Variants in AP3B1 observed in about 807,000 individuals in gnomAD.
AP3B1 encodes the protein AP-3 complex subunit beta-1.
A neutral mutation model predicts 132.5 loss-of-function variants in AP3B1; 61 were observed. The observed-to-expected ratio is 0.46, with a 90% CI of 0.37 to 0.57. The LOEUF (loss-of-function observed/expected upper bound fraction) is 0.57. Ranked by LOEUF, AP3B1 falls within the 20% of genes least tolerant of loss-of-function variation. AP3B1 has a pLI of 0.00. For missense variants in AP3B1, 1,120 were observed against 1,289.4 expected (o/e 0.87, Z 2.01); for synonymous variants, 388 against 438.3 (o/e 0.89, Z 1.43).
intron 3 of AP3B1, among the ~76,000 whole-genome samples, chr5:78,236,356 GA>G (rs1032396812): frequency 4.8e-5 from 4 of 84,152 alleles, no homozygotes; most frequent in Admixed American, 9.8e-5. Context: ...AAACATAAAA[GA>G]AAAAAAATAT....
intron 22 of AP3B1, among the ~76,000 whole-genome samples, chr5:78,059,732 T>C (rs1293925391): frequency 6.6e-6 from 1 of 152,124 alleles, no homozygotes; most frequent in Non-Finnish European, 1.5e-5. Flanking sequence ...CTATCTGTAG[T>C]TGCCAGACAG....
At chr5:78,133,828 G>T (rs941692143) in intron 15 of AP3B1, among the ~76,000 whole-genome samples, 3 of 151,758 alleles carry the variant, frequency 2.0e-5, no homozygotes, top group Non-Finnish European at 4.4e-5. Flanking sequence ...AACCATTATT[G>T]GTACCAACTA....
chr5:78,219,099 T>C (rs1023094173), intron 6 of AP3B1, among the ~76,000 whole-genome samples: 1 of 152,110 alleles, frequency 6.6e-6, no homozygotes, highest in African/African-American at 2.4e-5. Flanking sequence ...AATCTATTCA[T>C]TAAACATAAT....
At chr5:78,117,290 G>A (rs191750608) in intron 17 of AP3B1, among the ~76,000 whole-genome samples, 57 of 150,720 alleles carry the variant, frequency 3.8e-4, no homozygotes, top group African/African-American at 1.3e-3. Context: ...TGGAGAGCAG[G>A]GAATTTAAAA....
chr5:78,074,911 C>T lies in AP3B1; in HGVS notation c.2577+14482G>A, dbSNP rs187677317. Among the ~76,000 whole-genome samples the T allele has an allele frequency of 3.1e-3, 469 of 151,598 alleles. 2 individuals are homozygous for T. Among genetic ancestry groups the T allele is most frequent in the African/African-American group, 0.011 (447 of 41,312 alleles). On this transcript the variant is annotated intron_variant, in intron 22 of 26. Coordinates refer to ENST00000255194, the MANE Select transcript of AP3B1 (RefSeq NM_003664.5). ...TTGCGCCACTGCACTGCAGCCTGGG[C>T]AACAAAAGCAAAACCCTGTCTCAAA... is the stretch of plus-strand genomic sequence containing the variant.
intron 11 of AP3B1, among the ~76,000 whole-genome samples, chr5:78,167,057 A>C (rs1743664626): frequency 6.6e-6 from 1 of 152,240 alleles, no homozygotes; most frequent in African/African-American, 2.4e-5. Context: ...GAGTTAACAG[A>C]CAACCCACAG....
At position 78,160,163 on chromosome 5, in the gene AP3B1, T is replaced by C. The variant is rs1424075951; in HGVS notation, c.1363+2656A>G. 2.0e-5 allele frequency among the ~76,000 whole-genome samples: 3 copies of C among 152,226 alleles called. No homozygotes were observed. In the South Asian group the frequency reaches 6.2e-4, roughly 32 times the overall value. On this transcript the variant is annotated intron_variant, in intron 13 of 26. Transcript: ENST00000255194. ...CAATGGACTATTAGCTCTATAAAGATAGGAACCTTTTATAAGTTAAATAAA... is the reference window on the plus strand; with the variant it reads ...CAATGGACTATTAGCTCTATAAAGACAGGAACCTTTTATAAGTTAAATAAA...
chr5:78,079,084 C>T (rs1749880537), intron 22 of AP3B1, among the ~76,000 whole-genome samples: 1 of 152,180 alleles, frequency 6.6e-6, no homozygotes, highest in Admixed American at 6.5e-5. Flanking sequence ...AAAGTCAGAC[C>T]ATCTGTGTCT....
intron 17 of AP3B1, among the ~76,000 whole-genome samples, chr5:78,119,410 C>T (rs1046133011): frequency 2.0e-5 from 3 of 152,208 alleles, no homozygotes; most frequent in African/African-American, 7.2e-5. Context: ...GGAGGAAATA[C>T]AAACCAATGG....
At chr5:78,071,316 C>A (rs1749531908) in intron 22 of AP3B1, among the ~76,000 whole-genome samples, 1 of 152,126 alleles carries the variant, frequency 6.6e-6, no homozygotes, top group South Asian at 2.1e-4. Context: ...GAACAGAAAA[C>A]CAAACACCGC....
At chr5:78,221,140 T>C (rs1746163091) in intron 6 of AP3B1, among the ~76,000 whole-genome samples, 2 of 152,228 alleles carry the variant, frequency 1.3e-5, no homozygotes, top group South Asian at 4.1e-4. Context: ...GTCCTATGCA[T>C]GCACGCCCTC....
chr5:78,008,609 T>C (rs1183028837), intron 26 of AP3B1, among the ~76,000 whole-genome samples: 1 of 152,212 alleles, frequency 6.6e-6, no homozygotes, highest in East Asian at 1.9e-4. Context: ...CTAAAGAGGT[T>C]CTACAAATCT....
intron 5 of AP3B1, among the ~76,000 whole-genome samples, chr5:78,226,082 AG>A (rs1746388763): frequency 6.6e-6 from 1 of 152,098 alleles, no homozygotes. Flanking sequence ...AACTAAAACT[AG>A]GAAAAATAAG....
chr5:78,073,541 C>T (rs1440481979), intron 22 of AP3B1, among the ~76,000 whole-genome samples: 1 of 152,038 alleles, frequency 6.6e-6, no homozygotes, highest in Non-Finnish European at 1.5e-5. Context: ...CTATGAACTG[C>T]CTTTTTTAAA....
At chr5:78,157,729 A>G (rs1472330522) in intron 13 of AP3B1, among the ~76,000 whole-genome samples, 1 of 151,978 alleles carries the variant, frequency 6.6e-6, no homozygotes. Flanking sequence ...ATATTATATT[A>G]GAAATACCAT....
chr5:78,230,867 C>A (rs567227692), intron 3 of AP3B1, among the ~76,000 whole-genome samples: 1 of 152,244 alleles, frequency 6.6e-6, no homozygotes, highest in African/African-American at 2.4e-5. Flanking sequence ...CCTGTAATCC[C>A]AGCACTTTGG....
intron 13 of AP3B1, among the ~76,000 whole-genome samples, chr5:78,158,944 C>T (rs1743275663): frequency 2.0e-5 from 3 of 152,242 alleles, no homozygotes; most frequent in Non-Finnish European, 4.4e-5. Context: ...GTGATCCACC[C>T]GCCTTGGCCT....
At position 78,181,533 on chromosome 5, in the gene AP3B1, G is replaced by A. The variant is rs1456578906; in HGVS notation, c.916C>T (p.Pro306Ser). Residue 306 changes from proline to serine, a missense_variant, in exon 8 of 27, where the codon CCT becomes TCT. By Grantham distance (74) the Pro-to-Ser change is moderately conservative. Around this residue, in one of 3 missense-constraint regions of AP3B1, gnomAD observed 906 missense variants for 997.1 expected, o/e 0.91. Coordinates refer to ENST00000255194, the MANE Select transcript of AP3B1 (RefSeq NM_003664.5). ...DHRLLIRNTKPLLQSRNAAVV... is the reference protein window; with the variant it reads ...DHRLLIRNTKSLLQSRNAAVV... ...GCAGCATTCCTGCTCTGAAGCAAAG[G>A]CTTTGTATTTCTAATTAAGAGTCTA... 1 of 1,612,972 alleles carries A rather than the reference G, an allele frequency of 6.2e-7. No individual in the cohort carries two copies.
chr5:78,196,811 G>A (rs926007905), intron 7 of AP3B1, among the ~76,000 whole-genome samples: 2 of 152,156 alleles, frequency 1.3e-5, no homozygotes, highest in African/African-American at 4.8e-5. Flanking sequence ...ATGATATTTT[G>A]GAAAAGGCAA....
Sources: allele counts gnomAD v4.1 joint callset (sites outside exome capture counted in the v4.1 genomes callset), GRCh38; gene constraint gnomAD v4.1.1; regional missense constraint gnomAD v4.1.1; transcripts MANE v1.5; gene names NCBI Gene and HGNC (gene_info 2026-07-23, HGNC 2026-07-21).